Variants in OTUD7A observed in about 807,000 individuals in gnomAD.
The protein encoded by OTUD7A is OTU domain-containing protein 7A.
Under a neutral mutation model 65.7 loss-of-function variants are expected in OTUD7A, and 12 were observed. The ratio of observed to expected loss-of-function variants is 0.18; its 90% CI spans 0.12 to 0.30. The LOEUF is 0.30. Ranked by LOEUF, OTUD7A falls within the 10% of genes least tolerant of loss-of-function variation. OTUD7A has a pLI of 1.00. For missense variants in OTUD7A, 1,148 were observed against 1,304.8 expected (o/e 0.88, Z 1.85); for synonymous variants, 641 against 586.3 (o/e 1.09, Z -1.35).
At chr15:31,523,785 G>T (rs1217848026) in intron 8 of OTUD7A, among the ~76,000 whole-genome samples, 2 of 152,242 alleles carry the variant, frequency 1.3e-5, no homozygotes, top group African/African-American at 4.8e-5. Flanking sequence ...TCAACATGGG[G>T]AGAGAAGACA....
intron 1 of OTUD7A, among the ~76,000 whole-genome samples, chr15:31,717,907 T>G (rs1274831597): frequency 1.3e-5 from 2 of 152,168 alleles, no homozygotes; most frequent in Non-Finnish European, 2.9e-5. Flanking sequence ...CGTCTGTTGT[T>G]TCCTGACTTT....
intron 1 of OTUD7A, among the ~76,000 whole-genome samples, chr15:31,870,140 A>G (rs1374203050): frequency 6.7e-6 from 1 of 149,638 alleles, no homozygotes; most frequent in Non-Finnish European, 1.5e-5. Context: ...CGGTCGCCCC[A>G]CGCCTGGCAT....
intron 8 of OTUD7A, among the ~76,000 whole-genome samples, chr15:31,524,065 G>A (rs2041975138): frequency 6.6e-6 from 1 of 152,126 alleles, no homozygotes; most frequent in Non-Finnish European, 1.5e-5. Flanking sequence ...GTAACCCAAG[G>A]AGGCATCTGG....
At chr15:31,649,412 T>C (rs535468984) in intron 3 of OTUD7A, among the ~76,000 whole-genome samples, 1 of 152,326 alleles carries the variant, frequency 6.6e-6, no homozygotes. Flanking sequence ...TTTAACTTTT[T>C]TTTTGAAATA....
intron 1 of OTUD7A, chr15:31,767,497 C>T: frequency 1.3e-6 from 1 of 772,706 alleles, no homozygotes. Context: ...GGGAGGTCAT[C>T]TGATTTGTTT....
intron 1 of OTUD7A, among the ~76,000 whole-genome samples, chr15:31,741,096 C>T (rs576082722): frequency 5.3e-5 from 8 of 152,268 alleles, no homozygotes; most frequent in Admixed American, 1.3e-4. Context: ...ATTTATCATA[C>T]TCTGAGCCAT....
intron 5 of OTUD7A, among the ~76,000 whole-genome samples, chr15:31,532,515 A>G (rs1336273826): frequency 6.9e-6 from 1 of 144,002 alleles, no homozygotes; most frequent in East Asian, 2.2e-4. Context: ...AATTTGAACA[A>G]CAGAGAAAAA....
intron 1 of OTUD7A, among the ~76,000 whole-genome samples, chr15:31,860,461 A>G (rs1897688429): frequency 6.6e-6 from 1 of 151,520 alleles, no homozygotes; most frequent in Admixed American, 6.6e-5. Flanking sequence ...GAATGGAGAG[A>G]CTGTTCTGAA....
chr15:31,716,871 C>T (rs2141343906), intron 1 of OTUD7A, among the ~76,000 whole-genome samples: 2 of 152,312 alleles, frequency 1.3e-5, no homozygotes, highest in South Asian at 4.1e-4. Flanking sequence ...AGCCTGTGGC[C>T]TGTGGGGCCG....
At chr15:31,517,176 G>A (rs1346032923) in intron 8 of OTUD7A, among the ~76,000 whole-genome samples, 1 of 152,206 alleles carries the variant, frequency 6.6e-6, no homozygotes, top group Admixed American at 6.5e-5. Context: ...CCCATGAAAG[G>A]CACACTGTAA....
intron 3 of OTUD7A, among the ~76,000 whole-genome samples, chr15:31,604,817 T>C (rs1032203471): frequency 3.3e-5 from 5 of 152,162 alleles, no homozygotes; most frequent in African/African-American, 1.2e-4. Flanking sequence ...GATGGGCAAG[T>C]GTGCTCAGGG....
chr15:31,827,609 TC>T (rs1270145639), intron 1 of OTUD7A, among the ~76,000 whole-genome samples: 1 of 152,172 alleles, frequency 6.6e-6, no homozygotes, highest in Non-Finnish European at 1.5e-5. Context: ...ACTTTAATGT[TC>T]TCCTTCTTTT....
At chr15:31,798,360 G>A (rs1456960841) in intron 1 of OTUD7A, among the ~76,000 whole-genome samples, 1 of 152,148 alleles carries the variant, frequency 6.6e-6, no homozygotes, top group Non-Finnish European at 1.5e-5. Flanking sequence ...TTTCACTCAA[G>A]TGTTTGTGGT....
intron 8 of OTUD7A, among the ~76,000 whole-genome samples, chr15:31,507,563 T>C (rs893758085): frequency 7.9e-5 from 12 of 152,096 alleles, no homozygotes; most frequent in African/African-American, 1.2e-4. Flanking sequence ...GCAAGATTTA[T>C]TGTGGAGAGA....
intron 1 of OTUD7A, among the ~76,000 whole-genome samples, chr15:31,666,542 C>T (rs1403268196): frequency 6.6e-6 from 1 of 152,076 alleles, no homozygotes; most frequent in Non-Finnish European, 1.5e-5. Context: ...CTTAGTTAAT[C>T]TTGCTAGTGG....
intron 1 of OTUD7A, among the ~76,000 whole-genome samples, chr15:31,757,550 G>C (rs560961048): frequency 1.4e-3 from 218 of 151,998 alleles, no homozygotes; most frequent in African/African-American, 5.2e-3. Context: ...GTAACAAGGA[G>C]ATTTGGGAGC....
chr15:31,686,671 G>A (rs1256921447), intron 1 of OTUD7A, among the ~76,000 whole-genome samples: 1 of 152,240 alleles, frequency 6.6e-6, no homozygotes, highest in African/African-American at 2.4e-5. Flanking sequence ...GCCTGGGGCT[G>A]GAGCCCACCA....
rs537884711 is a variant in OTUD7A at position 31,851,834 on chromosome 15, C to A, written c.-100+18673G>T. ...AGTATTTAGATACTTCAACTGATTG[C>A]CATTTTGTGTTTTGTTTGTTTTGTT... On this transcript the variant is annotated intron_variant, in intron 1 of 12. Coordinates refer to ENST00000307050, the MANE Select transcript of OTUD7A (RefSeq NM_001382637.1). Among the ~76,000 whole-genome samples, 9 of 152,194 alleles carry A rather than the reference C, an allele frequency of 5.9e-5. No homozygotes were observed. The South Asian group carries it at 1.0e-3, about 18-fold the overall frequency.
At chr15:31,722,657 G>C (rs1272479206) in intron 1 of OTUD7A, among the ~76,000 whole-genome samples, 1 of 152,250 alleles carries the variant, frequency 6.6e-6, no homozygotes, top group Non-Finnish European at 1.5e-5. Context: ...GGAGTGACCA[G>C]AGCCAGCAGA....
Sources: gnomAD v4.1 joint callset for allele counts (sites outside exome capture counted in the v4.1 genomes callset) on GRCh38, gnomAD v4.1.1 for gene constraint, MANE v1.5 for transcripts, NCBI Gene and HGNC (gene_info 2026-07-23, HGNC 2026-07-21) for gene names.